The following NTM variants were observed in gnomAD, a reference collection of about 807,000 sequenced individuals.
NTM encodes neurotrimin, also known as IgLON family member 2.
NTM carries 13 observed loss-of-function variants against 42.1 expected under a neutral mutation model. The observed-to-expected ratio is 0.31, with a 90% CI of 0.20 to 0.49. NTM has a LOEUF of 0.49. NTM is among the 20% of genes least tolerant of loss of function. The pLI, the probability that NTM is intolerant of heterozygous loss-of-function variation, is 0.99. For missense variants in NTM, 373 were observed against 452.8 expected (o/e 0.82, Z 1.60); for synonymous variants, 187 against 179.2 (o/e 1.04, Z -0.35).
chr11:132,078,179 G>A (rs2000969), intron 2 of NTM, among the ~76,000 whole-genome samples: 41,803 of 152,068 alleles, frequency 0.27, 6,144 homozygotes, highest in African/African-American at 0.36. Flanking sequence ...CCCCAGTAAA[G>A]TCAGTTTAAT....
intron 4 of NTM, among the ~76,000 whole-genome samples, chr11:132,268,629 G>GTA (rs910456565): frequency 2.0e-5 from 3 of 150,188 alleles, no homozygotes; most frequent in African/African-American, 7.4e-5. Flanking sequence ...GTGTGTGTGT[G>GTA]TGTATGTGTG....
At position 132,092,473 on chromosome 11, in the gene NTM, G is replaced by A. The variant is rs7107045; in HGVS notation, c.168-53809G>A. On this transcript the variant is annotated intron_variant, in intron 2 of 8. Transcript: ENST00000683400. Reference sequence around the variant, plus strand: ...ACTCAGCACCTATCTCCTTGCTTCTGCAAACCTTAGTTCCCGGATTCTCTG... The same window carrying A: ...ACTCAGCACCTATCTCCTTGCTTCTACAAACCTTAGTTCCCGGATTCTCTG... Among the ~76,000 whole-genome samples, 991 of 152,194 alleles carry A rather than the reference G, an allele frequency of 6.5e-3. 9 individuals carry two copies. Among genetic ancestry groups the A allele is most frequent in the African/African-American group, 0.021 (888 of 41,518 alleles).
At chr11:131,879,182 C>T (rs1412573203) in intron 1 of NTM, among the ~76,000 whole-genome samples, 1 of 152,134 alleles carries the variant, frequency 6.6e-6, no homozygotes, top group Non-Finnish European at 1.5e-5. Context: ...TCAGGCTTCT[C>T]ATTCTGTAAA....
intron 4 of NTM, among the ~76,000 whole-genome samples, chr11:132,246,819 A>G (rs2091245857): frequency 6.6e-6 from 1 of 152,314 alleles, no homozygotes; most frequent in African/African-American, 2.4e-5. Context: ...CATTGTGAGC[A>G]GAAGCCTTGA....
chr11:131,439,501 A>C (rs1230564423), intron 1 of NTM, among the ~76,000 whole-genome samples: 1 of 152,126 alleles, frequency 6.6e-6, no homozygotes, highest in Non-Finnish European at 1.5e-5. Flanking sequence ...TTACCTACTC[A>C]AGTCTCAGCA....
At chr11:131,494,751 T>C (rs1479504067) in intron 1 of NTM, among the ~76,000 whole-genome samples, 1 of 152,252 alleles carries the variant, frequency 6.6e-6, no homozygotes, top group East Asian at 1.9e-4. Flanking sequence ...CAACTTGACC[T>C]GAGTCTATGT....
chr11:131,387,170 T>G (rs1425070367), intron 1 of NTM, among the ~76,000 whole-genome samples: 1 of 152,204 alleles, frequency 6.6e-6, no homozygotes. Flanking sequence ...GAATTAACTG[T>G]GTGAAAACTT....
In NTM at chr11:132,310,114, C is replaced by G; in HGVS notation, c.664C>G (p.Pro222Ala). ...TATGAGACATCTTCTTTTTGCAGAT[C>G]CACCATACATTTCAGAAGCCAAGGG... ...VRRVKVTVNY[P>A]PYISEAKGTG... The change falls in exon 6 of 9, where the codon CCA becomes GCA. Residue 222 changes from proline to alanine, a missense_variant and splice_region_variant. Around this residue, in one of 3 missense-constraint regions of NTM, gnomAD observed 312 missense variants for 353.5 expected, o/e 0.88. Coordinates refer to ENST00000683400, the MANE Select transcript of NTM (RefSeq NM_001352005.2). 1.3e-6 allele frequency: 2 copies of G among 1,585,772 alleles called. No individual in the cohort carries two copies. The highest frequency in any genetic ancestry group is 1.7e-6 in the Non-Finnish European group (2 of 1,171,096).
intron 1 of NTM, among the ~76,000 whole-genome samples, chr11:131,391,766 G>T (rs981957876): frequency 6.6e-6 from 1 of 151,952 alleles, no homozygotes; most frequent in Non-Finnish European, 1.5e-5. Context: ...ACCCGTGACA[G>T]GTAAACATAA....
intron 1 of NTM, among the ~76,000 whole-genome samples, chr11:131,862,295 A>G (rs1279345768): frequency 6.6e-6 from 1 of 152,152 alleles, no homozygotes. Context: ...CGACTTAAAG[A>G]AGTAATTTTA....
chr11:131,851,352 G>C (rs1268495576), intron 1 of NTM, among the ~76,000 whole-genome samples: 2 of 152,106 alleles, frequency 1.3e-5, no homozygotes, highest in Admixed American at 1.3e-4. Flanking sequence ...GAAACTCCAA[G>C]TCATTAAATG....
chr11:132,180,817 C>T (rs991528112), intron 3 of NTM, among the ~76,000 whole-genome samples: 5 of 152,096 alleles, frequency 3.3e-5, no homozygotes, highest in Admixed American at 6.5e-5. Context: ...CGGTGAGGCT[C>T]TCCCATCAGA....
chr11:131,518,757 G>C (rs1052692542), intron 1 of NTM, among the ~76,000 whole-genome samples: 2 of 152,154 alleles, frequency 1.3e-5, no homozygotes, highest in Admixed American at 1.3e-4. Flanking sequence ...TGTGTTGCAA[G>C]AAGCTAATGT....
chr11:132,093,637 A>G (rs2060624562), intron 2 of NTM, among the ~76,000 whole-genome samples: 2 of 152,082 alleles, frequency 1.3e-5, no homozygotes, highest in Non-Finnish European at 2.9e-5. Flanking sequence ...TATCAGAGCA[A>G]TTTCTTTCAG....
intron 1 of NTM, among the ~76,000 whole-genome samples, chr11:131,446,702 G>C (rs1400048113): frequency 1.3e-5 from 2 of 152,294 alleles, no homozygotes; most frequent in African/African-American, 4.8e-5. Flanking sequence ...CTCAAGGTTT[G>C]GGATCAAGTC....
At chr11:131,894,229 G>A (rs1011460205) in intron 1 of NTM, among the ~76,000 whole-genome samples, 1 of 152,150 alleles carries the variant, frequency 6.6e-6, no homozygotes, top group African/African-American at 2.4e-5. Context: ...TAGGAGACAC[G>A]AGCCAGTTAC....
At chr11:131,778,373 G>T (rs2087443078) in intron 1 of NTM, among the ~76,000 whole-genome samples, 1 of 152,122 alleles carries the variant, frequency 6.6e-6, no homozygotes, top group Admixed American at 6.5e-5. Context: ...GATTCTATTT[G>T]GTGTTGATAA....
chr11:132,013,759 A>G (rs1385168432), intron 2 of NTM, among the ~76,000 whole-genome samples: 1 of 152,142 alleles, frequency 6.6e-6, no homozygotes, highest in African/African-American at 2.4e-5. Flanking sequence ...TTGTTGATAC[A>G]TAGTATTTGT....
chr11:131,659,765 T>C (rs1217917892), intron 1 of NTM, among the ~76,000 whole-genome samples: 1 of 152,032 alleles, frequency 6.6e-6, no homozygotes, highest in Non-Finnish European at 1.5e-5. Flanking sequence ...GGAAATCTCT[T>C]TGGGGGATGC....
Sources: allele counts gnomAD v4.1 joint callset (sites outside exome capture counted in the v4.1 genomes callset), GRCh38; gene constraint gnomAD v4.1.1; regional missense constraint gnomAD v4.1.1; transcripts MANE v1.5; gene names NCBI Gene and HGNC (gene_info 2026-07-23, HGNC 2026-07-21).